The following ABLIM3 variants were observed in gnomAD, a reference collection of about 807,000 sequenced individuals.
ABLIM3 encodes the protein actin binding LIM protein family member 3.
In ABLIM3, 61 loss-of-function variants were observed where a neutral mutation model predicts 109.5. The observed-to-expected ratio is 0.56, with a 90% CI of 0.45 to 0.69. ABLIM3 has a LOEUF of 0.69. Among genes scored for constraint, ABLIM3 ranks in the 30% least tolerant of loss-of-function variants. ABLIM3 has a pLI of 0.00. For synonymous variants in ABLIM3, 300 were observed against 324.8 expected, an observed-to-expected ratio of 0.92 and a Z score of 0.82; for missense variants, 796 against 889.5, an observed-to-expected ratio of 0.89 and a Z score of 1.34.
At chr5:149,222,570 A>G (rs10074842) in intron 8 of ABLIM3, among the ~76,000 whole-genome samples, 9,342 of 152,182 alleles carry the variant, frequency 0.061, 918 homozygotes, top group African/African-American at 0.21. Context: ...CTGTGTTAAC[A>G]CAAATCCGAA....
intron 2 of ABLIM3, among the ~76,000 whole-genome samples, chr5:149,160,385 G>A (rs1225407024): frequency 4.7e-5 from 7 of 150,156 alleles, no homozygotes; most frequent in Admixed American, 6.7e-5. Context: ...TTAAACTGGG[G>A]AGGTGGAGGT....
intron 23 of ABLIM3, among the ~76,000 whole-genome samples, 171 bp downstream of exon 23, chr5:149,253,008 A>G (rs931310742): frequency 7.2e-5 from 11 of 152,046 alleles, no homozygotes; most frequent in Middle Eastern, 3.4e-3. Flanking sequence ...TCCCCATACT[A>G]TTCCCCAAAA....
Position 149,168,276 on chromosome 5 carries a change from C to G in ABLIM3, c.14-15176C>G, listed in dbSNP as rs555984156. Among the ~76,000 whole-genome samples, 9 of 152,240 alleles carry G rather than the reference C, an allele frequency of 5.9e-5. No individual in the cohort carries two copies. In the East Asian group the frequency reaches 1.4e-3, roughly 23 times the overall value. On this transcript the variant is annotated intron_variant, in intron 2 of 23. Transcript: ENST00000309868. ...AGACAGTAGGCTGAGCTCAAGCGCT[C>G]TGTAAGGGACTGGTCTATATGGCTT... is the stretch of plus-strand genomic sequence containing the variant.
chr5:149,254,802 A>G (rs1754283152), intron 23 of ABLIM3, among the ~76,000 whole-genome samples: 3 of 152,174 alleles, frequency 2.0e-5, no homozygotes, highest in Non-Finnish European at 4.4e-5. Flanking sequence ...TCTCCAGGAC[A>G]TCAGAATCAC....
At chr5:149,162,158 C>G (rs1310440627) in intron 2 of ABLIM3, among the ~76,000 whole-genome samples, 1 of 152,200 alleles carries the variant, frequency 6.6e-6, no homozygotes, top group Non-Finnish European at 1.5e-5. Flanking sequence ...CCTCCCTTGA[C>G]TGTTCTTTGA....
At chr5:149,182,913 CT>C (rs1756589168) in intron 2 of ABLIM3, among the ~76,000 whole-genome samples, 1 of 152,176 alleles carries the variant, frequency 6.6e-6, no homozygotes, top group African/African-American at 2.4e-5. Context: ...CTCCCCTTCC[CT>C]TCATGCCTTC....
At chr5:149,155,792 A>G (rs1400983448) in intron 2 of ABLIM3, among the ~76,000 whole-genome samples, 1 of 152,208 alleles carries the variant, frequency 6.6e-6, no homozygotes, top group Non-Finnish European at 1.5e-5. Context: ...GAATATGAGT[A>G]TGTGGACACT....
intron 3 of ABLIM3, among the ~76,000 whole-genome samples, chr5:149,189,660 A>C (rs996271285): frequency 2.0e-5 from 3 of 152,228 alleles, no homozygotes; most frequent in Non-Finnish European, 4.4e-5. Flanking sequence ...ATGAGATGCC[A>C]CTTCACATCT....
intron 3 of ABLIM3, among the ~76,000 whole-genome samples, chr5:149,194,762 G>A (rs997201399): frequency 1.3e-5 from 2 of 152,134 alleles, no homozygotes; most frequent in Non-Finnish European, 2.9e-5. Context: ...CATCACAGGT[G>A]GTAAGACTAT....
At chr5:149,159,335 G>A (rs1222657141) in intron 2 of ABLIM3, among the ~76,000 whole-genome samples, 1 of 152,204 alleles carries the variant, frequency 6.6e-6, no homozygotes, top group Non-Finnish European at 1.5e-5. Context: ...ACTAATCTAT[G>A]TGGACAGAAA....
intron 3 of ABLIM3, among the ~76,000 whole-genome samples, chr5:149,185,516 A>G (rs1756874103): frequency 1.3e-5 from 2 of 152,198 alleles, no homozygotes; most frequent in African/African-American, 4.8e-5. Flanking sequence ...GGAGATCTGC[A>G]GCATCAGATT....
chr5:149,160,751 G>A (rs1754280969), intron 2 of ABLIM3, among the ~76,000 whole-genome samples: 3 of 152,136 alleles, frequency 2.0e-5, no homozygotes, highest in Admixed American at 2.0e-4. Flanking sequence ...TCTAGTTATG[G>A]CTATACTTGA....
At chr5:149,183,656 C>T (rs1756676741) in intron 3 of ABLIM3, 67 bp downstream of exon 3, 2 of 1,420,904 alleles carry the variant, frequency 1.4e-6, no homozygotes, top group Middle Eastern at 2.3e-4. Flanking sequence ...CAGGTCATGC[C>T]TCAGGGGCAG....
At chr5:149,242,083 G>C (rs974540161) in intron 14 of ABLIM3, among the ~76,000 whole-genome samples, 1 of 152,176 alleles carries the variant, frequency 6.6e-6, no homozygotes, top group South Asian at 2.1e-4. Flanking sequence ...TTTGAGGGAG[G>C]GGGAGGGAGG....
At chr5:149,257,569 A>G (rs1009774189) in intron 23 of ABLIM3, among the ~76,000 whole-genome samples, 1 of 152,248 alleles carries the variant, frequency 6.6e-6, no homozygotes, top group Non-Finnish European at 1.5e-5. Flanking sequence ...ACCATTCACT[A>G]AATACAACAA....
chr5:149,155,769 T>C (rs149128416), intron 2 of ABLIM3, among the ~76,000 whole-genome samples: 1 of 152,268 alleles, frequency 6.6e-6, no homozygotes, highest in Non-Finnish European at 1.5e-5. Flanking sequence ...AAGTCCAGTT[T>C]GTATACGCTA....
At chr5:149,192,806 A>G (rs763810353) in intron 3 of ABLIM3, among the ~76,000 whole-genome samples, 4 of 145,196 alleles carry the variant, frequency 2.8e-5, no homozygotes, top group Non-Finnish European at 5.9e-5. Flanking sequence ...CAGAACATCA[A>G]TGTAGTATTA....
chr5:149,258,486 T>A lies in ABLIM3; in HGVS notation c.*82T>A. 6.8e-7 allele frequency: 1 copy of A among 1,470,968 alleles called. No homozygotes were observed. Among genetic ancestry groups the A allele is most frequent in the Non-Finnish European group, 9.0e-7 (1 of 1,116,876 alleles). 91.1% of individuals were successfully genotyped at this position (1,470,968 alleles called of 1,614,324 possible). On this transcript the variant is annotated 3_prime_UTR_variant, in exon 24 of 24. Transcript: ENST00000309868. Reference sequence around the variant, plus strand: ...ACTGAAGCTCGGTATAATCCTCTCTTGTGTAATGGGACACACTGCCTGCCA... The same window carrying A: ...ACTGAAGCTCGGTATAATCCTCTCTAGTGTAATGGGACACACTGCCTGCCA...
chr5:149,142,889 C>A (rs1301163611), intron 2 of ABLIM3, among the ~76,000 whole-genome samples: 1 of 152,078 alleles, frequency 6.6e-6, no homozygotes, highest in Non-Finnish European at 1.5e-5. Context: ...TATCTTGGTT[C>A]CAGACTCACT....
Sources: gnomAD v4.1 joint callset for allele counts (sites outside exome capture counted in the v4.1 genomes callset) on GRCh38, gnomAD v4.1.1 for gene constraint, MANE v1.5 for transcripts, NCBI Gene and HGNC (gene_info 2026-07-23, HGNC 2026-07-21) for gene names.